Variants in ST6GALNAC1 observed in about 807,000 individuals in gnomAD.
ST6GALNAC1 encodes the protein ST6 N-acetylgalactosaminide alpha-2,6-sialyltransferase 1.
Under a neutral mutation model 56.8 loss-of-function variants are expected in ST6GALNAC1, and 45 were observed. That is an observed-to-expected ratio of 0.79 (90% CI 0.62 to 1.02). The LOEUF is 1.02. ST6GALNAC1 is among the 50% of genes least tolerant of loss of function. The pLI is 0.00. For missense variants in ST6GALNAC1, 743 were observed against 754.8 expected (o/e 0.98, Z 0.18); for synonymous variants, 295 against 297.8 (o/e 0.99, Z 0.10).
Position 76,625,841 on chromosome 17 carries a change from G to A in ST6GALNAC1, c.1583C>T (p.Thr528Ile), listed in dbSNP as rs772409657. The A allele has an allele frequency of 1.9e-6, 3 of 1,540,716 alleles. No individual in the cohort carries two copies. The Admixed American group carries it at 6.4e-5, about 33-fold the overall frequency. ...TACCTGGTCACAGAGCTGAAGGGCA[G>A]TGAGCAGCAGGAGGGCCCCAGTGGT... ...RPTTGALLLL[T>I]ALQLCDQVSA... The change falls in exon 8 of 9, where the codon ACT becomes ATT. Residue 528 changes from threonine to isoleucine, a missense_variant. Physicochemically the swap from Thr to Ile is moderately conservative, Grantham distance 89. Transcript: ENST00000156626.
At chr17:76,618,206 A>G in the ST6GALNAC1 span, among the ~76,000 whole-genome samples, 10 of 152,342 alleles carry the variant, frequency 6.6e-5, no homozygotes, top group African/African-American at 1.9e-4. Flanking sequence ...AGTATGGGGT[A>G]TCAGGCTATT....
chr17:76,629,788 T>TTG, intron 1 of ST6GALNAC1, 77 bp from the exon 2 acceptor site: 2 of 1,040,106 alleles, frequency 1.9e-6, no homozygotes, highest in South Asian at 1.6e-5. Flanking sequence ...TTTTTGTTTT[T>TTG]TTTTTTTTTT....
At chr17:76,618,736 G>A in the ST6GALNAC1 span, among the ~76,000 whole-genome samples, 1,073 of 148,750 alleles carry the variant, frequency 7.2e-3, 18 homozygotes, top group African/African-American at 0.025. Flanking sequence ...AGCTGAGATC[G>A]CGCCACTGCA....
At position 76,626,704 on chromosome 17, in the gene ST6GALNAC1, G is replaced by T. The variant is rs201519265; in HGVS notation, c.1258C>A (p.Gln420Lys). 186 of 1,614,120 alleles carry T rather than the reference G, an allele frequency of 1.2e-4. No individual in the cohort carries two copies. Among genetic ancestry groups the T allele is most frequent in the Non-Finnish European group, 1.5e-4 (181 of 1,180,044 alleles). ...CGATTGCCCAATATAAGGAGTGACT[G>T]GGTCAGGGAGAAGGCGGTAAAGCCG... is the stretch of plus-strand genomic sequence containing the variant. ...FYGFTAFSLT[Q>K]SLLILGNRGF... The change falls in exon 5 of 9, where the codon CAG becomes AAG. Residue 420 changes from glutamine (Q) to lysine (K), a missense_variant. Transcript: ENST00000156626.
In ST6GALNAC1 at chr17:76,629,524, C is replaced by G. The variant is rs1346915817; in HGVS notation, c.319G>C (p.Ala107Pro). Reference protein sequence around the residue: ...TGDRGKEANQAPPEEQDKVPH... With the variant: ...TGDRGKEANQPPPEEQDKVPH... ...ACCTTGTCCTGCTCCTCCGGCGGTG[C>G]CTGGTTGGCCTCCTTTCCTCTGTCT... Residue 107 changes from alanine to proline, a missense_variant, in exon 2 of 9, where the codon GCA (alanine) becomes CCA (proline). Physicochemically the swap from Ala to Pro is conservative, Grantham distance 27. Transcript: ENST00000156626. 1 of 1,613,910 alleles carries G rather than the reference C, an allele frequency of 6.2e-7. No individual in the cohort carries two copies. Among genetic ancestry groups the G allele is most frequent in the East Asian group, 2.2e-5 (1 of 44,866 alleles).
chr17:76,642,402 G>C (rs988848988), intron 1 of ST6GALNAC1, among the ~76,000 whole-genome samples: 1 of 152,142 alleles, frequency 6.6e-6, no homozygotes, highest in African/African-American at 2.4e-5. Context: ...ATGAGAATTA[G>C]TGAGTTAACG....
Position 76,643,586 on chromosome 17 carries a change from G to A in ST6GALNAC1, c.53C>T (p.Ser18Phe). The change falls in exon 1 of 9, where the codon TCC (serine) becomes TTC (phenylalanine). Residue 18 changes from serine (S) to phenylalanine (F), a missense_variant. By Grantham distance (155) the Ser-to-Phe change is radical. Coordinates refer to ENST00000156626, the MANE Select transcript of ST6GALNAC1 (RefSeq NM_018414.5). Reference protein sequence around the residue: ...CRHLSQGVQWSLLLAVLVFFL... With the variant: ...CRHLSQGVQWFLLLAVLVFFL... ...GAAGACCAGGACAGCCAGAAGCAAG[G>A]ACCACTGGACGCCTTGGCTCAGGTG... 6.2e-7 allele frequency: 1 copy of A among 1,614,104 alleles called. No homozygotes were observed. The highest frequency in any genetic ancestry group is 1.3e-5 in the African/African-American group (1 of 75,066).
rs552628605 is a variant in ST6GALNAC1 at position 76,639,123 on chromosome 17, CAA to C, written c.131+4383_131+4384del. ...ACTCTGCATAAAGCATGAATTTACT[CAA>C]GTTAACTCCCTTACTCTAAAGTTTT... is the stretch of plus-strand genomic sequence containing the variant. On this transcript the variant is annotated intron_variant, in intron 1 of 8. Transcript: ENST00000156626. 1.6e-4 allele frequency among the ~76,000 whole-genome samples: 25 copies of C among 152,304 alleles called. No homozygotes were observed. In the South Asian group the frequency reaches 5.0e-3, roughly 30 times the overall value.
In ST6GALNAC1 at chr17:76,643,501, A is replaced by G; in HGVS notation, c.131+7T>C. 1 of 1,613,710 alleles carries G rather than the reference A, an allele frequency of 6.2e-7. No homozygotes were observed. Reference sequence around the variant, plus strand: ...AATATGAGGAGTGGAAAGGACAAGAATCTTACCTGGAAGGCTTTGTTTGAG... The same window carrying G: ...AATATGAGGAGTGGAAAGGACAAGAGTCTTACCTGGAAGGCTTTGTTTGAG... On this transcript the variant is annotated splice_region_variant and intron_variant, in intron 1 of 8. Coordinates refer to ENST00000156626, the MANE Select transcript of ST6GALNAC1 (RefSeq NM_018414.5).
Position 76,625,996 on chromosome 17 carries a change from C to A in ST6GALNAC1, c.1505+10G>T, listed in dbSNP as rs1224582328. ...ACCTGGGCTACGTGTCACGTGCTTTCTGCTCTAACCTGTTCTTCATGTATC... is the reference window on the plus strand; with the variant it reads ...ACCTGGGCTACGTGTCACGTGCTTTATGCTCTAACCTGTTCTTCATGTATC... On this transcript the variant is annotated intron_variant, in intron 7 of 8. Coordinates refer to ENST00000156626, the MANE Select transcript of ST6GALNAC1 (RefSeq NM_018414.5). The A allele has an allele frequency of 6.2e-7, 1 of 1,613,880 alleles. No homozygotes were observed. The highest frequency in any genetic ancestry group is 8.5e-7 in the Non-Finnish European group (1 of 1,179,864).
Position 76,629,658 on chromosome 17 carries a change from G to C in ST6GALNAC1, c.185C>G (p.Pro62Arg). 2 of 1,613,796 alleles carry C rather than the reference G, an allele frequency of 1.2e-6. No homozygotes were observed. The highest frequency in any genetic ancestry group is 1.7e-6 in the Non-Finnish European group (2 of 1,179,812). The change falls in exon 2 of 9, where the codon CCT (proline) becomes CGT (arginine). Residue 62 changes from proline (P) to arginine (R), a missense_variant. Transcript: ENST00000156626. ...KERSLQSLAK[P>R]KSQAPTRARR... The stretch of plus-strand genomic sequence containing the variant: ...TGCCCTTGTGGGTGCCTGGGACTTA[G>C]GCTTTGCCAGGGACTGTAGAGACCT...
chr17:76,622,252 C>CCATA (rs2075749204), downstream of ST6GALNAC1, among the ~76,000 whole-genome samples: 1 of 148,586 alleles, frequency 6.7e-6, no homozygotes, highest in Admixed American at 6.7e-5. Flanking sequence ...AAGTCCTTTA[C>CCATA]TATATATATA....
intron 2 of ST6GALNAC1, 69 bp downstream of exon 2, chr17:76,628,943 G>T: frequency 1.4e-6 from 2 of 1,395,166 alleles, no homozygotes; most frequent in Non-Finnish European, 9.8e-7. Flanking sequence ...GAGAGGGTGG[G>T]CTGGGCTTCC....
At chr17:76,620,549 A>G (rs1418283455), downstream of ST6GALNAC1, among the ~76,000 whole-genome samples, 1 of 149,400 alleles carries the variant, frequency 6.7e-6, no homozygotes, top group Non-Finnish European at 1.5e-5. Flanking sequence ...AACCAATCTC[A>G]TTAGGTTTTG....
At chr17:76,622,736 C>A (rs146455755), downstream of ST6GALNAC1, among the ~76,000 whole-genome samples, 299 of 151,052 alleles carry the variant, frequency 2.0e-3, no homozygotes, top group African/African-American at 6.9e-3. Context: ...AGTTAGAAAT[C>A]TTTTTCTTAC....
rs191640894 is a variant in ST6GALNAC1 at position 76,627,664 on chromosome 17, T to C, written c.832-81A>G. The C allele has an allele frequency of 8.6e-4, 1,200 of 1,396,786 alleles. 20 individuals carry two copies. The East Asian group carries it at 0.02, about 23-fold the overall frequency. 86.5% of individuals were successfully genotyped at this position (1,396,786 alleles called of 1,614,324 possible). A position where few individuals can be genotyped will look rare whatever the true frequency, so the allele number is the denominator to read the frequency against. On this transcript the variant is annotated intron_variant, in intron 2 of 8. Coordinates refer to ENST00000156626, the MANE Select transcript of ST6GALNAC1 (RefSeq NM_018414.5). This position sits in a 1 kb window ranked among gnomAD's most constrained non-coding sequence, Gnocchi z 4.4. ...GGGGCTGCACCACTGCAGCAAGGGC[T>C]GGGGCTCGCAGTTTGGAAGGCGCGG...
chr17:76,639,579 A>G (rs2076018540), intron 1 of ST6GALNAC1, among the ~76,000 whole-genome samples: 1 of 151,854 alleles, frequency 6.6e-6, no homozygotes, highest in Non-Finnish European at 1.5e-5. Flanking sequence ...CATCTCGAAA[A>G]ATAAATGAAG....
At chr17:76,630,871 G>A (rs554588178) in intron 1 of ST6GALNAC1, among the ~76,000 whole-genome samples, 360 of 150,458 alleles carry the variant, frequency 2.4e-3, no homozygotes, top group Admixed American at 4.4e-3. Flanking sequence ...TTTTACAGGC[G>A]TGAGCCACCG....
At chr17:76,632,411 C>T (rs899297777) in intron 1 of ST6GALNAC1, among the ~76,000 whole-genome samples, 2 of 152,062 alleles carry the variant, frequency 1.3e-5, no homozygotes, top group African/African-American at 4.8e-5. Context: ...AGTGGCCACA[C>T]TGACCCTGAA....
Sources: allele counts gnomAD v4.1 joint callset (sites outside exome capture counted in the v4.1 genomes callset), GRCh38; gene constraint gnomAD v4.1.1; non-coding constraint Gnocchi (gnomAD v3.1); transcripts MANE v1.5; gene names NCBI Gene and HGNC (gene_info 2026-07-23, HGNC 2026-07-21).